Variants in ZSWIM4 observed in about 807,000 individuals in gnomAD.
ZSWIM4 encodes the protein zinc finger SWIM-type containing 4.
ZSWIM4 carries 62 observed loss-of-function variants against 102.5 expected under a neutral mutation model. The ratio of observed to expected loss-of-function variants is 0.60; its 90% CI spans 0.49 to 0.75. The LOEUF (loss-of-function observed/expected upper bound fraction) is 0.75. ZSWIM4 is among the 30% of genes least tolerant of loss of function. ZSWIM4 has a pLI of 0.00. For missense variants in ZSWIM4, 1,280 were observed against 1,529.6 expected (o/e 0.84, Z 2.72); for synonymous variants, 652 against 674.5 (o/e 0.97, Z 0.52).
intron 2 of ZSWIM4, among the ~76,000 whole-genome samples, chr19:13,803,806 GAAA>G: frequency 1.5e-5 from 1 of 67,588 alleles, no homozygotes; most frequent in South Asian, 6.7e-4. Flanking sequence ...CTCTGTCTCA[GAAA>G]AAAAAAAAAA....
intron 1 of ZSWIM4, among the ~76,000 whole-genome samples, chr19:13,798,706 A>C (rs925938549): frequency 6.6e-6 from 1 of 152,222 alleles, no homozygotes; most frequent in Non-Finnish European, 1.5e-5. Context: ...ACCTGAGAAT[A>C]CTGAGGCCAA....
chr19:13,808,088 G>A (rs1974967657), intron 3 of ZSWIM4, among the ~76,000 whole-genome samples: 1 of 151,948 alleles, frequency 6.6e-6, no homozygotes, highest in African/African-American at 2.4e-5. Context: ...CAAACAACCA[G>A]ATCTCATGAG....
In ZSWIM4 at chr19:13,830,596, ACAGC is replaced by A. The variant is rs755711384; in HGVS notation, c.2870_2873del (p.Ser957ThrfsTer56). ...CAGCTCAGCATCGCCTTCAACCAGG[ACAGC>A]CACCCTGCCGTCAACGACGTGCTTT... On this transcript the variant is annotated frameshift_variant, in exon 14 of 14. Transcript: ENST00000590508. LOFTEE classifies it high-confidence loss of function. 19 of 1,599,874 alleles carry A rather than the reference ACAGC, an allele frequency of 1.2e-5. No individual in the cohort carries two copies. Among genetic ancestry groups the A allele is most frequent in the Non-Finnish European group, 1.5e-5 (18 of 1,179,758 alleles).
Position 13,825,722 on chromosome 19 carries a change from T to G in ZSWIM4, c.2379+9T>G, listed in dbSNP as rs776121590. The G allele has an allele frequency of 2.8e-5, 45 of 1,603,978 alleles. No individual in the cohort carries two copies. Among genetic ancestry groups the G allele is most frequent in the Admixed American group, 5.0e-5 (3 of 59,814 alleles). On this transcript the variant is annotated intron_variant, in intron 12 of 13. Transcript: ENST00000590508. The surrounding 1 kb of genome is among the most constrained non-coding windows in gnomAD (Gnocchi z 4.6). ...TGGAGCTGGGGCTGCAGGTGAGGGC[T>G]GCCAGGTGGATGCGGGAGGGCGATG... is the stretch of plus-strand genomic sequence containing the variant.
chr19:13,819,852 T>G (rs912089436), intron 10 of ZSWIM4, among the ~76,000 whole-genome samples: 2 of 146,696 alleles, frequency 1.4e-5, no homozygotes, highest in African/African-American at 5.0e-5. Context: ...TTTTTGTTTT[T>G]TTTTTTTTTG....
rs953004480 is a variant in ZSWIM4, at chr19:13,817,782, G to A, written c.1730G>A (p.Gly577Glu). 1 of 1,599,720 alleles carries A rather than the reference G, an allele frequency of 6.3e-7. No homozygotes were observed. Among genetic ancestry groups the A allele is most frequent in the Non-Finnish European group, 8.5e-7 (1 of 1,174,558 alleles). The change falls in exon 9 of 14, where the codon GGG becomes GAG. Residue 577 changes from glycine to glutamate, a missense_variant. By Grantham distance (98) the Gly-to-Glu change is moderately conservative. Transcript: ENST00000590508. ...YQHVPVPGSP[G>E]ESYLVLALEV... ...CACGTGCCTGTGCCCGGGAGCCCTG[G>A]GGAGTCCTACTTGGTGCTGGCGCTG...
At chr19:13,803,034 CAG>C (rs1251610465) in intron 2 of ZSWIM4, among the ~76,000 whole-genome samples, 1 of 111,430 alleles carries the variant, frequency 9.0e-6, no homozygotes, top group Non-Finnish European at 1.7e-5. Context: ...GAGGCTGAGC[CAG>C]AAAACAAAAG....
chr19:13,831,482 G>A lies in ZSWIM4; in HGVS notation c.*432G>A. On this transcript the variant is annotated 3_prime_UTR_variant, in exon 14 of 14. Coordinates refer to ENST00000590508, the MANE Select transcript of ZSWIM4 (RefSeq NM_001367834.3). Reference sequence around the variant, plus strand: ...CAAGGGTCCTCCCCCACCCCCTACTGCTCAGGGCCCCCCATTATGCCACCT... The same window carrying A: ...CAAGGGTCCTCCCCCACCCCCTACTACTCAGGGCCCCCCATTATGCCACCT... 1 of 119,262 alleles carries A rather than the reference G, an allele frequency of 8.4e-6. No homozygotes were observed. The highest frequency in any genetic ancestry group is 1.7e-5 in the Non-Finnish European group (1 of 58,292). The allele number at this position is 119,262 out of a possible 1,614,324, so 7.4% of individuals were successfully genotyped here.
intron 3 of ZSWIM4, 99 bp from the exon 4 acceptor site, chr19:13,808,737 C>G (rs1238794816): frequency 8.6e-6 from 10 of 1,168,638 alleles, no homozygotes; most frequent in Non-Finnish European, 1.0e-5. Flanking sequence ...CAAACTCCGT[C>G]TCCAAAAAAA....
chr19:13,819,259 C>T, intron 9 of ZSWIM4, 98 bp from the exon 10 acceptor site: 1 of 1,520,474 alleles, frequency 6.6e-7, no homozygotes, highest in Admixed American at 2.0e-5. Flanking sequence ...TACCCAGGGG[C>T]CAGCCCACCC....
chr19:13,828,871 C>T (rs1162489390), intron 13 of ZSWIM4, 145 bp downstream of exon 13: 10 of 687,428 alleles, frequency 1.5e-5, no homozygotes, highest in East Asian at 1.1e-4. Context: ...GAGGCCAAAG[C>T]GGGAGGATCA....
rs1246926851 is a variant in ZSWIM4 at position 13,809,703 on chromosome 19, ACTC to A, written c.1012+486_1012+488del. On this transcript the variant is annotated intron_variant, in intron 5 of 13. Coordinates refer to ENST00000590508, the MANE Select transcript of ZSWIM4 (RefSeq NM_001367834.3). The surrounding 1 kb of genome is among the most constrained non-coding windows in gnomAD (Gnocchi z 4.2). ...ACTATCTTGCCAAGTCTGGTCTTGA[ACTC>A]CTGGACTCAAGCAGTCCTCTCACCC... 6.6e-6 allele frequency among the ~76,000 whole-genome samples: 1 copy of A among 151,022 alleles called. No homozygotes were observed. The highest frequency in any genetic ancestry group is 2.4e-5 in the African/African-American group (1 of 41,052).
At position 13,816,952 on chromosome 19, in the gene ZSWIM4, T is replaced by C. The variant is rs192781537; in HGVS notation, c.1532-264T>C. Among the ~76,000 whole-genome samples the C allele has an allele frequency of 6.6e-5, 10 of 152,212 alleles. No individual in the cohort carries two copies. In the East Asian group the frequency reaches 1.9e-3, roughly 30 times the overall value. Reference sequence around the variant, plus strand: ...TCCAGTGGCCAGGCATGGTGGCCCATGCCTGTAATCCCTTTGGGAGGCCGA... The same window carrying C: ...TCCAGTGGCCAGGCATGGTGGCCCACGCCTGTAATCCCTTTGGGAGGCCGA... On this transcript the variant is annotated intron_variant, in intron 7 of 13. Transcript: ENST00000590508.
At chr19:13,796,784 C>T (rs1395152137) in intron 1 of ZSWIM4, 3 of 152,260 alleles carry the variant, frequency 2.0e-5, no homozygotes, top group African/African-American at 7.2e-5. Flanking sequence ...GAACTGGAGA[C>T]ATGGCCCAGA....
rs374587203 is a variant in ZSWIM4 at position 13,830,750 on chromosome 19, G to C, written c.3021G>C (p.Ala1007=). 7 of 1,606,864 alleles carry C rather than the reference G, an allele frequency of 4.4e-6. No homozygotes were observed. The Admixed American group carries it at 5.0e-5, about 12-fold the overall frequency. The change falls in exon 14 of 14, where the codon GCG becomes GCC. Residue 1007 remains alanine (A), a synonymous_variant. Transcript: ENST00000590508. The part of the protein sequence containing the change: ...SDILRRWTLS[A]PGLGPLGARR... ...TTCTGCGCCGCTGGACTCTCTCGGCGCCCGGTCTGGGCCCCTTAGGGGCAC... is the reference window on the plus strand; with the variant it reads ...TTCTGCGCCGCTGGACTCTCTCGGCCCCCGGTCTGGGCCCCTTAGGGGCAC...
At position 13,819,654 on chromosome 19, in the gene ZSWIM4, ATTAT is replaced by A. The variant is rs539022265; in HGVS notation, c.2060+193_2060+196del. Among the ~76,000 whole-genome samples, 445 of 150,320 alleles carry A rather than the reference ATTAT, an allele frequency of 3.0e-3. 3 individuals carry two copies. Among genetic ancestry groups the A allele is most frequent in the African/African-American group, 9.9e-3 (401 of 40,630 alleles). On this transcript the variant is annotated intron_variant, in intron 10 of 13. Transcript: ENST00000590508. The stretch of plus-strand genomic sequence containing the variant: ...ATGATGCCATGTGCTTTTCATTATT[ATTAT>A]TTATTTATTTATTTATTTATTTATT...
chr19:13,822,990 AAAAG>A (rs1355678026), intron 10 of ZSWIM4, among the ~76,000 whole-genome samples: 1 of 152,038 alleles, frequency 6.6e-6, no homozygotes, highest in Non-Finnish European at 1.5e-5. Context: ...AAAAAAAAAA[AAAAG>A]AAAGAAAAAA....
rs777333461 is a variant in ZSWIM4, at chr19:13,809,244, G to A, written c.1012+24G>A. On this transcript the variant is annotated intron_variant, in intron 5 of 13. Transcript: ENST00000590508. This position sits in a 1 kb window ranked among gnomAD's most constrained non-coding sequence, Gnocchi z 4.2. ...GGGTGAGGCCCAAACCCCGGTGCGT[G>A]GTGGACACCGGGACTTCGGCTCCCA... is the stretch of plus-strand genomic sequence containing the variant. 6.3e-7 allele frequency: 1 copy of A among 1,575,396 alleles called. No homozygotes were observed. The highest frequency in any genetic ancestry group is 8.6e-7 in the Non-Finnish European group (1 of 1,160,454).
chr19:13,808,762 G>GGACAGC (rs1469293765), intron 3 of ZSWIM4, 74 bp from the exon 4 acceptor site: 1 of 969,124 alleles, frequency 1.0e-6, no homozygotes, highest in Non-Finnish European at 1.4e-6. Flanking sequence ...AAAAAAAAAA[G>GGACAGC]GACAGCTCTC....
Sources: gnomAD v4.1 joint callset for allele counts (sites outside exome capture counted in the v4.1 genomes callset) on GRCh38, gnomAD v4.1.1 for gene constraint, Gnocchi (gnomAD v3.1) non-coding constraint, MANE v1.5 for transcripts, NCBI Gene and HGNC (gene_info 2026-07-23, HGNC 2026-07-21) for gene names.